COL5A2: variants seen among roughly 807,000 people sequenced by gnomAD.
COL5A2 encodes collagen type V alpha 2 chain.
COL5A2 carries 23 observed loss-of-function variants against 208.2 expected under a neutral mutation model. The observed-to-expected ratio is 0.11, with a 90% CI of 0.08 to 0.16. The LOEUF is 0.16. Among genes scored for constraint, COL5A2 ranks in the 10% least tolerant of loss-of-function variants. COL5A2 has a pLI of 1.00. For synonymous variants in COL5A2, 625 were observed against 628.5 expected, an observed-to-expected ratio of 0.99 and a Z score of 0.08; for missense variants, 1,590 against 1,956.4, an observed-to-expected ratio of 0.81 and a Z score of 3.53.
intron 1 of COL5A2, among the ~76,000 whole-genome samples, chr2:189,144,763 A>G (rs1688006155): frequency 6.6e-6 from 1 of 152,156 alleles, no homozygotes; most frequent in Admixed American, 6.6e-5. Context: ...CATCCTGAGC[A>G]GTAAGCACAG....
intron 1 of COL5A2, among the ~76,000 whole-genome samples, chr2:189,223,542 C>A (rs1426971305): frequency 6.6e-6 from 1 of 152,126 alleles, no homozygotes; most frequent in Non-Finnish European, 1.5e-5. Context: ...CAGAACCATT[C>A]TTAATAGCCA....
At chr2:189,349,720 C>T in the COL5A2 span, among the ~76,000 whole-genome samples, 3 of 152,202 alleles carry the variant, frequency 2.0e-5, no homozygotes, top group East Asian at 3.9e-4. Context: ...AAAACAAACA[C>T]GTTAACTTTT....
At chr2:189,295,862 A>G in the COL5A2 span, among the ~76,000 whole-genome samples, 7 of 152,188 alleles carry the variant, frequency 4.6e-5, no homozygotes, top group African/African-American at 1.4e-4. Context: ...TTTGACAAAC[A>G]TATGTTCCTG....
intron 1 of COL5A2, among the ~76,000 whole-genome samples, chr2:189,115,431 A>T (rs1687369565): frequency 6.6e-6 from 1 of 152,004 alleles, no homozygotes; most frequent in African/African-American, 2.4e-5. Context: ...CTGCATAGAA[A>T]CGGCCATATT....
At chr2:189,179,891 A>G, upstream of COL5A2, 1 of 581,922 alleles carries the variant, frequency 1.7e-6, no homozygotes, top group Non-Finnish European at 3.0e-6. Context: ...GATTGATGGT[A>G]AACAACCAAA....
intron 12 of COL5A2, among the ~76,000 whole-genome samples, chr2:189,083,175 G>A (rs970326113): frequency 6.6e-6 from 1 of 152,158 alleles, no homozygotes; most frequent in Non-Finnish European, 1.5e-5. Flanking sequence ...AGAAACCCAA[G>A]AAGTAGGAAT....
At chr2:189,233,786 A>G in the COL5A2 span, among the ~76,000 whole-genome samples, 3 of 151,646 alleles carry the variant, frequency 2.0e-5, no homozygotes, top group Non-Finnish European at 2.9e-5. Context: ...TCACGAAGGT[A>G]AACAACCAAT....
intron 9 of COL5A2, among the ~76,000 whole-genome samples, chr2:189,086,164 T>C (rs888002860): frequency 6.6e-6 from 1 of 152,194 alleles, no homozygotes; most frequent in Non-Finnish European, 1.5e-5. Context: ...TGTGGTAACC[T>C]TGACTGAACT....
intron 1 of COL5A2, among the ~76,000 whole-genome samples, chr2:189,196,017 G>A (rs1192006233): frequency 1.3e-5 from 2 of 152,032 alleles, no homozygotes; most frequent in African/African-American, 4.8e-5. Flanking sequence ...GAGTGAACAG[G>A]CAATCTACAG....
At chr2:189,268,270 A>T in the COL5A2 span, among the ~76,000 whole-genome samples, 1 of 152,162 alleles carries the variant, frequency 6.6e-6, no homozygotes, top group East Asian at 1.9e-4. Flanking sequence ...AAATGGTATC[A>T]CTTCATTTTT....
the COL5A2 span, among the ~76,000 whole-genome samples, chr2:189,298,863 A>G: frequency 2.0e-5 from 3 of 152,290 alleles, no homozygotes; most frequent in East Asian, 1.9e-4. Context: ...TTCATTTCAT[A>G]TAAGTGAAAG....
intron 1 of COL5A2, among the ~76,000 whole-genome samples, chr2:189,155,079 A>C (rs1688218596): frequency 6.6e-6 from 1 of 152,156 alleles, no homozygotes; most frequent in Non-Finnish European, 1.5e-5. Flanking sequence ...TCCTGGGCTC[A>C]AGGGACCCTC....
intron 3 of COL5A2, among the ~76,000 whole-genome samples, chr2:189,103,213 C>T (rs1206836227): frequency 1.3e-5 from 2 of 151,994 alleles, no homozygotes; most frequent in Non-Finnish European, 1.5e-5. Flanking sequence ...AATTTATTTT[C>T]GTTTTCACAA....
At chr2:189,103,009 A>C (rs781758739) in intron 3 of COL5A2, among the ~76,000 whole-genome samples, 1 of 152,088 alleles carries the variant, frequency 6.6e-6, no homozygotes, top group Non-Finnish European at 1.5e-5. Context: ...CCTACCAGTT[A>C]TCTCTCTAAG....
At chr2:189,349,501 TG>T in the COL5A2 span, among the ~76,000 whole-genome samples, 7 of 152,176 alleles carry the variant, frequency 4.6e-5, no homozygotes, top group African/African-American at 1.7e-4. Context: ...TATAGCAATC[TG>T]GGGTGTAGCA....
the COL5A2 span, among the ~76,000 whole-genome samples, chr2:189,298,912 A>G: frequency 6.6e-6 from 1 of 152,212 alleles, no homozygotes; most frequent in African/African-American, 2.4e-5. Context: ...ACTTACTACT[A>G]ACTCTGAAGG....
At chr2:189,396,392 G>C in the COL5A2 span, among the ~76,000 whole-genome samples, 1 of 151,932 alleles carries the variant, frequency 6.6e-6, no homozygotes, top group African/African-American at 2.4e-5. Context: ...AGAATAAATG[G>C]GCCGGGTGCG....
At chr2:189,219,714 T>C (rs1440876897) in intron 1 of COL5A2, among the ~76,000 whole-genome samples, 2 of 152,134 alleles carry the variant, frequency 1.3e-5, no homozygotes, top group Non-Finnish European at 2.9e-5. Flanking sequence ...TTATAAAGTC[T>C]TTGAGATTTA....
chr2:189,247,965 T>C, the COL5A2 span, among the ~76,000 whole-genome samples: 5 of 152,356 alleles, frequency 3.3e-5, no homozygotes, highest in Non-Finnish European at 7.3e-5. Flanking sequence ...AAATGTTTCA[T>C]GAATATTCAA....
Sources: gnomAD v4.1 joint callset for allele counts (sites outside exome capture counted in the v4.1 genomes callset) on GRCh38, gnomAD v4.1.1 for gene constraint, MANE v1.5 for transcripts, NCBI Gene and HGNC (gene_info 2026-07-23, HGNC 2026-07-21) for gene names.